PAG1: variants seen among roughly 807,000 people sequenced by gnomAD.
The protein encoded by PAG1 is phosphoprotein associated with glycosphingolipid-enriched microdomains 1.
In PAG1, 23 loss-of-function variants were observed where a neutral mutation model predicts 31.7. That is an observed-to-expected ratio of 0.73 (90% CI 0.52 to 1.03). The LOEUF is 1.03. Ranked by LOEUF, PAG1 falls within the 50% of genes least tolerant of loss-of-function variation. PAG1 has a pLI of 0.00. For missense variants in PAG1, 473 were observed against 540.7 expected, an observed-to-expected ratio of 0.87 and a Z score of 1.24; for synonymous variants, 214 against 210.3, an observed-to-expected ratio of 1.02 and a Z score of -0.15.
At chr8:81,068,055 T>C (rs1351135454) in intron 2 of PAG1, among the ~76,000 whole-genome samples, 2 of 152,264 alleles carry the variant, frequency 1.3e-5, no homozygotes, top group Non-Finnish European at 1.5e-5. Context: ...CAACACCATG[T>C]CCGGCTAATT....
Position 81,062,916 on chromosome 8 carries a change from A to T in PAG1, c.-175+7196T>A, listed in dbSNP as rs111286237. Among the ~76,000 whole-genome samples the T allele has an allele frequency of 1.1e-4, 17 of 152,316 alleles. 1 individual carries two copies. The highest frequency in any genetic ancestry group is 4.1e-4 in the African/African-American group (17 of 41,568). ...TAAAATCTATTCTAGAAAATATTAC[A>T]AAATTATGAGAGTTTCCTGTTTGGC... On this transcript the variant is annotated intron_variant, in intron 2 of 8. Coordinates refer to ENST00000220597, the MANE Select transcript of PAG1 (RefSeq NM_018440.4).
intron 2 of PAG1, 100 bp from the exon 3 acceptor site, chr8:81,030,189 C>A (rs181865843): frequency 3.7e-4 from 57 of 152,266 alleles, no homozygotes; most frequent in African/African-American, 1.3e-3. Context: ...TGTACTTATG[C>A]CAAACACTGA....
In PAG1 at chr8:80,980,483, T is replaced by A. The variant is rs1807276773; in HGVS notation, c.888A>T (p.Ser296=). 5 of 1,601,708 alleles carry A rather than the reference T, an allele frequency of 3.1e-6. No homozygotes were observed. The African/African-American group carries it at 4.0e-5, about 13-fold the overall frequency. ...TTSETNKRFS[S]LSYKSREEDP... ...CTTCTTCCCGAGACTTGTATGACAATGAGCTAAATCTCTGTCAGAACAAAC... is the reference window on the plus strand; with the variant it reads ...CTTCTTCCCGAGACTTGTATGACAAAGAGCTAAATCTCTGTCAGAACAAAC... The change falls in exon 8 of 9, where the codon TCA becomes TCT. Residue 296 remains serine, a synonymous_variant. Coordinates refer to ENST00000220597, the MANE Select transcript of PAG1 (RefSeq NM_018440.4).
intron 3 of PAG1, among the ~76,000 whole-genome samples, chr8:81,000,576 G>A (rs1807767288): frequency 6.6e-6 from 1 of 152,152 alleles, no homozygotes; most frequent in Admixed American, 6.5e-5. Context: ...GAGTAGCTGG[G>A]ACTACAGGTA....
chr8:80,976,255 G>A lies in PAG1; in HGVS notation c.*289C>T, dbSNP rs1316250485. The A allele has an allele frequency of 5.7e-6, 2 of 350,376 alleles. No individual in the cohort carries two copies. Among genetic ancestry groups the A allele is most frequent in the African/African-American group, 4.2e-5 (2 of 47,262 alleles). The allele number at this position is 350,376 out of a possible 1,614,324, so 21.7% of individuals were successfully genotyped here. A position where few individuals can be genotyped will look rare whatever the true frequency, so the allele number is the denominator to read the frequency against. On this transcript the variant is annotated 3_prime_UTR_variant, in exon 9 of 9. Transcript: ENST00000220597. The stretch of plus-strand genomic sequence containing the variant: ...GCTTGGCTTTCCTCACTAATGAGAT[G>A]AGACCACTGACAGCTGGGATCTTTT...
At chr8:81,064,470 ATAAT>A (rs1436085343) in intron 2 of PAG1, among the ~76,000 whole-genome samples, 1 of 152,232 alleles carries the variant, frequency 6.6e-6, no homozygotes, top group Non-Finnish European at 1.5e-5. Flanking sequence ...ATAGGAGTGC[ATAAT>A]TAATTAATGC....
chr8:80,969,866 C>T lies in PAG1; in HGVS notation c.*6678G>A, dbSNP rs542426908. ...CACCTCCAATTCACCTATCCTAGGA[C>T]CTAGAAGGTGCTTGGTTTCTCACTC... On this transcript the variant is annotated 3_prime_UTR_variant, in exon 9 of 9. Transcript: ENST00000220597. 1 of 152,300 alleles carries T rather than the reference C, an allele frequency of 6.6e-6. No homozygotes were observed. The highest frequency in any genetic ancestry group is 2.4e-5 in the African/African-American group (1 of 41,558). 9.4% of individuals were successfully genotyped at this position (152,300 alleles called of 1,614,324 possible). A position where few individuals can be genotyped will look rare whatever the true frequency, so the allele number is the denominator to read the frequency against.
chr8:81,042,953 C>T (rs763679501), intron 2 of PAG1, among the ~76,000 whole-genome samples: 5 of 152,158 alleles, frequency 3.3e-5, no homozygotes, highest in Non-Finnish European at 7.3e-5. Context: ...CTGATGGGCT[C>T]CACCAATCAT....
At chr8:80,989,114 C>T (rs985844627) in intron 5 of PAG1, among the ~76,000 whole-genome samples, 1 of 152,176 alleles carries the variant, frequency 6.6e-6, no homozygotes, top group Non-Finnish European at 1.5e-5. Context: ...TGATTGGAAG[C>T]CAGTAATACA....
At chr8:81,091,770 A>T (rs1047669278) in intron 1 of PAG1, among the ~76,000 whole-genome samples, 2 of 152,122 alleles carry the variant, frequency 1.3e-5, no homozygotes, top group African/African-American at 4.8e-5. Flanking sequence ...CAGTCCAAGG[A>T]CCAGTTTTAT....
chr8:81,075,392 A>G (rs1421473045), intron 1 of PAG1, among the ~76,000 whole-genome samples: 1 of 152,268 alleles, frequency 6.6e-6, no homozygotes, highest in African/African-American at 2.4e-5. Flanking sequence ...AGCTTTATTC[A>G]TAATAAAATG....
intron 2 of PAG1, among the ~76,000 whole-genome samples, chr8:81,050,090 A>T (rs1808703268): frequency 6.6e-6 from 1 of 152,234 alleles, no homozygotes; most frequent in East Asian, 1.9e-4. Context: ...TATTTTTCCT[A>T]TAAAAACAAA....
intron 2 of PAG1, among the ~76,000 whole-genome samples, chr8:81,060,011 T>C (rs1215221184): frequency 6.7e-6 from 1 of 150,022 alleles, no homozygotes; most frequent in Non-Finnish European, 1.5e-5. Context: ...AGAGTGAGAC[T>C]CCATCTAAAA....
intron 2 of PAG1, among the ~76,000 whole-genome samples, chr8:81,053,792 G>T (rs1418128349): frequency 6.6e-6 from 1 of 152,166 alleles, no homozygotes; most frequent in Non-Finnish European, 1.5e-5. Flanking sequence ...TTTTAAGGTA[G>T]ATATGGGGCA....
chr8:81,095,737 C>T (rs983284316), intron 1 of PAG1, among the ~76,000 whole-genome samples: 1 of 152,190 alleles, frequency 6.6e-6, no homozygotes, highest in Non-Finnish European at 1.5e-5. Flanking sequence ...ATACTAGGTA[C>T]TCAATAAATG....
intron 1 of PAG1, among the ~76,000 whole-genome samples, chr8:81,086,825 G>C (rs1362063881): frequency 6.6e-6 from 1 of 152,160 alleles, no homozygotes; most frequent in Non-Finnish European, 1.5e-5. Flanking sequence ...ATAACGTCAG[G>C]TTATGGTGTG....
intron 1 of PAG1, among the ~76,000 whole-genome samples, chr8:81,075,869 G>C (rs979722032): frequency 3.9e-5 from 6 of 152,212 alleles, no homozygotes; most frequent in Non-Finnish European, 7.3e-5. Flanking sequence ...AGTTGAGAAG[G>C]TGTAAACAAG....
At chr8:81,089,554 C>T (rs945733538) in intron 1 of PAG1, among the ~76,000 whole-genome samples, 6 of 146,734 alleles carry the variant, frequency 4.1e-5, no homozygotes, top group East Asian at 2.0e-4. Flanking sequence ...GGCGACAGAG[C>T]GAGACTCCGT....
intron 2 of PAG1, among the ~76,000 whole-genome samples, chr8:81,066,302 T>C (rs1322142775): frequency 1.3e-5 from 2 of 152,240 alleles, no homozygotes; most frequent in East Asian, 1.9e-4. Context: ...GAAATGTTCC[T>C]TTTACACTTG....
Sources: gnomAD v4.1 joint callset for allele counts (sites outside exome capture counted in the v4.1 genomes callset) on GRCh38, gnomAD v4.1.1 for gene constraint, MANE v1.5 for transcripts, NCBI Gene and HGNC (gene_info 2026-07-23, HGNC 2026-07-21) for gene names.